PRKN: variants seen among roughly 807,000 people sequenced by gnomAD.
PRKN encodes the protein parkin RBR E3 ubiquitin protein ligase.
In PRKN, 56 loss-of-function variants were observed where a neutral mutation model predicts 59.5. That is an observed-to-expected ratio of 0.94 (90% CI 0.76 to 1.18). PRKN has a LOEUF of 1.18. Among genes scored for constraint, PRKN ranks in the 50% most tolerant of loss-of-function variants. The pLI is 0.00. For synonymous variants in PRKN, 250 were observed against 222.1 expected (o/e 1.13, Z -1.12); for missense variants, 657 against 596.4 (o/e 1.10, Z -1.06).
At chr6:161,609,465 T>A (rs1392073911) in intron 7 of PRKN, among the ~76,000 whole-genome samples, 1 of 152,170 alleles carries the variant, frequency 6.6e-6, no homozygotes, top group African/African-American at 2.4e-5. Context: ...TACAAAAGAA[T>A]GAAAAGTGAT....
At chr6:161,944,397 A>T (rs377264083) in intron 6 of PRKN, among the ~76,000 whole-genome samples, 10 of 151,958 alleles carry the variant, frequency 6.6e-5, no homozygotes, top group East Asian at 3.9e-4. Context: ...CCCGGCACAG[A>T]CCCCATGCTG....
intron 2 of PRKN, among the ~76,000 whole-genome samples, chr6:162,335,574 T>G (rs1295156733): frequency 6.6e-6 from 1 of 152,192 alleles, no homozygotes; most frequent in African/African-American, 2.4e-5. Flanking sequence ...TCACCACCAT[T>G]TTCTTAAAAA....
At chr6:161,826,233 A>C (rs1325491122) in intron 6 of PRKN, among the ~76,000 whole-genome samples, 1 of 152,250 alleles carries the variant, frequency 6.6e-6, no homozygotes, top group East Asian at 1.9e-4. Context: ...GGAATTAGAG[A>C]AATGAATGAA....
intron 1 of PRKN, among the ~76,000 whole-genome samples, chr6:162,707,734 C>G (rs892489539): frequency 6.6e-6 from 1 of 152,160 alleles, no homozygotes; most frequent in Non-Finnish European, 1.5e-5. Flanking sequence ...GCCACCACGC[C>G]TGGCTAATTT....
At chr6:161,850,354 T>C (rs1793375830) in intron 6 of PRKN, among the ~76,000 whole-genome samples, 1 of 152,008 alleles carries the variant, frequency 6.6e-6, no homozygotes, top group Non-Finnish European at 1.5e-5. Flanking sequence ...CTGAGGTGCG[T>C]GGATCACGAG....
rs1170487630 is a variant in PRKN, at chr6:161,405,696, A to G, written c.1084-18819T>C. 6.6e-6 allele frequency among the ~76,000 whole-genome samples: 1 copy of G among 152,080 alleles called. No individual in the cohort carries two copies. The highest frequency in any genetic ancestry group is 1.5e-5 in the Non-Finnish European group (1 of 68,016). On this transcript the variant is annotated intron_variant, in intron 9 of 11. Transcript: ENST00000366898. The surrounding 1 kb of genome is among the most constrained non-coding windows in gnomAD (Gnocchi z 5.1). Reference sequence around the variant, plus strand: ...CATTTTGGGCCAGCTTCCAGGAGAAAGGGAAGGGAAACTGAGGGTCCATGA... The same window carrying G: ...CATTTTGGGCCAGCTTCCAGGAGAAGGGGAAGGGAAACTGAGGGTCCATGA...
chr6:162,301,822 A>G (rs909827732), intron 2 of PRKN, among the ~76,000 whole-genome samples: 2 of 147,594 alleles, frequency 1.4e-5, no homozygotes, highest in Admixed American at 1.4e-4. Flanking sequence ...TGAAAGGCAT[A>G]TTTATTCTCA....
chr6:161,493,250 T>C (rs1777624574), intron 9 of PRKN, among the ~76,000 whole-genome samples: 3 of 152,238 alleles, frequency 2.0e-5, no homozygotes, highest in Admixed American at 2.0e-4. Flanking sequence ...TTATTGAATG[T>C]TCTCTTGTTT....
At chr6:162,031,559 G>T (rs1327389627) in intron 5 of PRKN, among the ~76,000 whole-genome samples, 18 of 136,728 alleles carry the variant, frequency 1.3e-4, no homozygotes, top group African/African-American at 5.3e-4. Context: ...TTTTGAGATA[G>T]CATTTCACTC....
At chr6:161,710,356 G>A (rs183904300) in intron 7 of PRKN, among the ~76,000 whole-genome samples, 52 of 152,240 alleles carry the variant, frequency 3.4e-4, no homozygotes, top group South Asian at 1.2e-3. Flanking sequence ...ACGTAAACCC[G>A]TCCTAAGTTG....
intron 3 of PRKN, among the ~76,000 whole-genome samples, chr6:162,223,295 T>A (rs1778015593): frequency 6.6e-6 from 1 of 152,050 alleles, no homozygotes; most frequent in Non-Finnish European, 1.5e-5. Flanking sequence ...TCTTTGATAT[T>A]GTGAATAGAA....
chr6:161,443,454 C>T (rs1789341956), intron 9 of PRKN, among the ~76,000 whole-genome samples: 1 of 152,112 alleles, frequency 6.6e-6, no homozygotes, highest in Admixed American at 6.5e-5. Context: ...TTGATGGTAC[C>T]ACGAAGCGCC....
chr6:162,537,168 T>G (rs1210172637), intron 1 of PRKN, among the ~76,000 whole-genome samples: 2 of 152,142 alleles, frequency 1.3e-5, no homozygotes, highest in Non-Finnish European at 2.9e-5. Flanking sequence ...CACAGTCACC[T>G]GGGGAGCTTT....
Position 161,384,101 on chromosome 6 carries a change from A to G in PRKN, c.1167+2693T>C, listed in dbSNP as rs144422525. ...TGATGTGGATTAACTATACCTCCTC[A>G]GAATTCCTATCATGTCAGTTGCTTG... is the stretch of plus-strand genomic sequence containing the variant. On this transcript the variant is annotated intron_variant, in intron 10 of 11. Transcript: ENST00000366898. 4.8e-3 allele frequency among the ~76,000 whole-genome samples: 734 copies of G among 152,296 alleles called. 7 individuals are homozygous for G. The highest frequency in any genetic ancestry group is 0.016 in the African/African-American group (679 of 41,570).
chr6:162,599,948 T>C (rs1781636149), intron 1 of PRKN, among the ~76,000 whole-genome samples: 1 of 152,192 alleles, frequency 6.6e-6, no homozygotes, highest in Non-Finnish European at 1.5e-5. Context: ...TGTATCCAAA[T>C]ACCAGGCCAG....
At chr6:162,005,809 C>G (rs745854950) in intron 5 of PRKN, among the ~76,000 whole-genome samples, 1 of 151,988 alleles carries the variant, frequency 6.6e-6, no homozygotes, top group Admixed American at 6.6e-5. Flanking sequence ...AAAACCGGTG[C>G]TAGATGTCAG....
intron 7 of PRKN, among the ~76,000 whole-genome samples, chr6:161,766,543 T>C (rs1478904556): frequency 6.6e-6 from 1 of 152,066 alleles, no homozygotes; most frequent in Non-Finnish European, 1.5e-5. Flanking sequence ...TTCTTGACCT[T>C]GTGATCCTCC....
intron 2 of PRKN, among the ~76,000 whole-genome samples, chr6:162,278,667 G>A (rs1210364436): frequency 6.6e-6 from 1 of 152,066 alleles, no homozygotes; most frequent in Non-Finnish European, 1.5e-5. Flanking sequence ...TTTGAATATG[G>A]ACTACAAAAG....
intron 2 of PRKN, among the ~76,000 whole-genome samples, chr6:162,278,419 C>A (rs1229112881): frequency 2.6e-5 from 4 of 151,842 alleles, no homozygotes; most frequent in African/African-American, 9.7e-5. Context: ...AAGAGTGTAC[C>A]CTCATGTAAG....
Sources: allele counts gnomAD v4.1 joint callset (sites outside exome capture counted in the v4.1 genomes callset), GRCh38; gene constraint gnomAD v4.1.1; non-coding constraint Gnocchi (gnomAD v3.1); transcripts MANE v1.5; gene names NCBI Gene and HGNC (gene_info 2026-07-23, HGNC 2026-07-21).